PDE6C: variants seen among roughly 807,000 people sequenced by gnomAD.
The protein encoded by PDE6C is phosphodiesterase 6C.
A neutral mutation model predicts 113.1 loss-of-function variants in PDE6C; 75 were observed. That is an observed-to-expected ratio of 0.66 (90% CI 0.55 to 0.80). The LOEUF (loss-of-function observed/expected upper bound fraction) is 0.80, where lower values mean the gene tolerates loss of function less well. Ranked by LOEUF, PDE6C falls within the 30% of genes least tolerant of loss-of-function variation. The pLI is 0.00. For synonymous variants in PDE6C, 375 were observed against 363.7 expected, an observed-to-expected ratio of 1.03 and a Z score of -0.35; for missense variants, 912 against 1,038.6, an observed-to-expected ratio of 0.88 and a Z score of 1.67.
chr10:93,625,584 G>A lies in PDE6C; in HGVS notation c.874G>A (p.Asp292Asn), dbSNP rs1315180804. The change falls in exon 5 of 22, where the codon GAT (aspartate) becomes AAT (asparagine). Residue 292 changes from aspartate to asparagine, a missense_variant. Physicochemically the swap from Asp to Asn is conservative, Grantham distance 23 (BLOSUM62 1). Coordinates refer to ENST00000371447, the MANE Select transcript of PDE6C (RefSeq NM_006204.4). Reference protein sequence around the residue: ...LDMTKEKEFYDEWPIKLGEVE... With the variant: ...LDMTKEKEFYNEWPIKLGEVE... ...ATCTGATTGCCTCCAGGAATTCTAC[G>A]ATGAATGGCCAATCAAGCTTGGAGA... is the stretch of plus-strand genomic sequence containing the variant. The A allele has an allele frequency of 6.2e-6, 10 of 1,612,138 alleles. No individual in the cohort carries two copies. The highest frequency in any genetic ancestry group is 4.4e-5 in the South Asian group (4 of 91,014).
chr10:93,662,822 C>T (rs1444031014), intron 20 of PDE6C, among the ~76,000 whole-genome samples, 179 bp downstream of exon 20: 1 of 152,124 alleles, frequency 6.6e-6, no homozygotes, highest in African/African-American at 2.4e-5. Flanking sequence ...AAGGAGGGAA[C>T]TCAGATGTGA....
chr10:93,657,428 C>T (rs1160651253), intron 16 of PDE6C, among the ~76,000 whole-genome samples: 1 of 149,748 alleles, frequency 6.7e-6, no homozygotes, highest in Non-Finnish European at 1.5e-5. Context: ...TCGTGATCCA[C>T]CCACCTTGGC....
intron 4 of PDE6C, among the ~76,000 whole-genome samples, chr10:93,623,756 C>G (rs1209420751): frequency 6.6e-6 from 1 of 152,126 alleles, no homozygotes; most frequent in East Asian, 1.9e-4. Flanking sequence ...TCCAAGTTAA[C>G]TATATTTGTA....
chr10:93,654,171 T>C (rs1348697225), intron 15 of PDE6C, among the ~76,000 whole-genome samples: 1 of 152,256 alleles, frequency 6.6e-6, no homozygotes, highest in East Asian at 1.9e-4. Flanking sequence ...TAATTGAGCA[T>C]AGACTAAGTG....
At chr10:93,653,993 G>A (rs2058621369) in intron 15 of PDE6C, among the ~76,000 whole-genome samples, 2 of 152,290 alleles carry the variant, frequency 1.3e-5, no homozygotes. Context: ...CTTCTGAAAT[G>A]ACTGAGCCAT....
At chr10:93,653,428 A>T (rs1331337912) in intron 15 of PDE6C, among the ~76,000 whole-genome samples, 5 of 152,108 alleles carry the variant, frequency 3.3e-5, no homozygotes, top group Admixed American at 2.6e-4. Flanking sequence ...GGATCCCTTG[A>T]GGTCAGGAGT....
Position 93,663,069 on chromosome 10 carries a change from T to A in PDE6C, c.2409T>A (p.Ser803Arg), listed in dbSNP as rs142641759. 2.5e-6 allele frequency: 4 copies of A among 1,612,468 alleles called. No homozygotes were observed. In the African/African-American group the frequency reaches 5.3e-5, roughly 22 times the overall value. The change falls in exon 21 of 22, where the codon AGT (serine) becomes AGA (arginine). Residue 803 changes from serine to arginine, a missense_variant. By Grantham distance (110) the Ser-to-Arg change is moderately radical (BLOSUM62 -1). Coordinates refer to ENST00000371447, the MANE Select transcript of PDE6C (RefSeq NM_006204.4). ...RFHKEITPML[S>R]GLQNNRVEWK... ...ACAAAGAAATCACACCTATGCTGAG[T>A]GGTCTTCAGAATAACAGAGTAGAAT...
chr10:93,651,910 G>C (rs1358916892), intron 15 of PDE6C, among the ~76,000 whole-genome samples: 6 of 152,108 alleles, frequency 3.9e-5, no homozygotes, highest in African/African-American at 1.4e-4. Context: ...TGCTTCTCCT[G>C]TGCGCTGGGC....
chr10:93,622,222 C>A (rs1407047065), intron 4 of PDE6C, 150 bp downstream of exon 4: 14 of 825,638 alleles, frequency 1.7e-5, no homozygotes, highest in Non-Finnish European at 2.4e-5. Flanking sequence ...TGTCTTGGAG[C>A]AAAAAAGATG....
chr10:93,622,126 A>C, intron 4 of PDE6C, 54 bp downstream of exon 4: 1 of 1,511,340 alleles, frequency 6.6e-7, no homozygotes, highest in Admixed American at 1.7e-5. Context: ...TATAACACAC[A>C]CCACAGGAAA....
rs1295102645 is a variant in PDE6C, at chr10:93,622,049, C to T, written c.841C>T (p.Leu281=). 3 of 1,613,942 alleles carry T rather than the reference C, an allele frequency of 1.9e-6. No individual in the cohort carries two copies. In the Admixed American group the frequency reaches 5.0e-5, roughly 27 times the overall value. Residue 281 remains leucine, a synonymous_variant, in exon 4 of 22, where the codon CTG becomes TTG. Coordinates refer to ENST00000371447, the MANE Select transcript of PDE6C (RefSeq NM_006204.4). ...GAACTGTGAACGATACTCCATTGGA[C>T]TGCTGGACATGACCAAGGAGAAGGT... is the stretch of plus-strand genomic sequence containing the variant. ...YLNCERYSIG[L]LDMTKEKEFY... is the part of the protein sequence containing the mutation.
intron 13 of PDE6C, 58 bp downstream of exon 13, chr10:93,640,615 T>G: frequency 8.5e-7 from 1 of 1,170,596 alleles, no homozygotes; most frequent in Admixed American, 1.7e-5. Flanking sequence ...TTGAGCATGA[T>G]GAGAAATAGG....
chr10:93,631,039 C>G (rs2058499161), intron 8 of PDE6C, among the ~76,000 whole-genome samples: 1 of 152,244 alleles, frequency 6.6e-6, no homozygotes. Flanking sequence ...GGGAATGGAG[C>G]TGGCCCAGGA....
chr10:93,645,857 G>A (rs1268133556), intron 14 of PDE6C, 103 bp from the exon 15 acceptor site: 5 of 731,148 alleles, frequency 6.8e-6, no homozygotes, highest in Non-Finnish European at 1.3e-5. Flanking sequence ...ACAGATAATT[G>A]AGTGAGGAGG....
chr10:93,657,600 G>C (rs895359621), intron 16 of PDE6C, among the ~76,000 whole-genome samples: 3 of 151,994 alleles, frequency 2.0e-5, no homozygotes, highest in African/African-American at 7.2e-5. Flanking sequence ...ATAATAAATG[G>C]AGCTCCAATG....
intron 14 of PDE6C, among the ~76,000 whole-genome samples, chr10:93,644,914 A>G (rs915844454): frequency 2.1e-5 from 3 of 143,842 alleles, no homozygotes; most frequent in African/African-American, 7.6e-5. Context: ...TATATACACT[A>G]TATCGATATA....
intron 15 of PDE6C, among the ~76,000 whole-genome samples, chr10:93,651,542 AC>A (rs2058609646): frequency 6.6e-6 from 1 of 152,170 alleles, no homozygotes; most frequent in Non-Finnish European, 1.5e-5. Context: ...GCGTGGGAGA[AC>A]TGCCCCCATG....
chr10:93,655,857 T>C lies in PDE6C; in HGVS notation c.2033T>C (p.Phe678Ser). ...AIIATDLALY[F>S]KKRTMFQKIV... ...ATAGCAACTGACCTGGCTTTATATTTCAAGTAAGTACATAACTCTGCACAG... is the reference window on the plus strand; with the variant it reads ...ATAGCAACTGACCTGGCTTTATATTCCAAGTAAGTACATAACTCTGCACAG... Residue 678 changes from phenylalanine to serine, a missense_variant, in exon 16 of 22, where the codon TTC becomes TCC. Transcript: ENST00000371447. 6.7e-7 allele frequency: 1 copy of C among 1,493,562 alleles called. No individual in the cohort carries two copies. Among genetic ancestry groups the C allele is most frequent in the Non-Finnish European group, 9.3e-7 (1 of 1,070,076 alleles). 92.5% of individuals were successfully genotyped at this position (1,493,562 alleles called of 1,614,324 possible).
Position 93,640,145 on chromosome 10 carries a change from G to A in PDE6C, c.1558G>A (p.Gly520Arg), listed in dbSNP as rs267602621. Residue 520 changes from glycine (G) to arginine (R), a missense_variant, in exon 12 of 22, where the codon GGA becomes AGA. Transcript: ENST00000371447. ...RFSDFPLTEH[G>R]LIKCGIRLFF... ...CAGTGACTTCCCCCTTACAGAGCAC[G>A]GATTGATTAAATGTGGAATACGACT... 8.1e-6 allele frequency: 13 copies of A among 1,613,666 alleles called. No individual in the cohort carries two copies. Among genetic ancestry groups the A allele is most frequent in the South Asian group, 6.6e-5 (6 of 91,068 alleles).
Sources: gnomAD v4.1 joint callset for allele counts (sites outside exome capture counted in the v4.1 genomes callset) on GRCh38, gnomAD v4.1.1 for gene constraint, MANE v1.5 for transcripts, NCBI Gene and HGNC (gene_info 2026-07-23, HGNC 2026-07-21) for gene names.